Variants in TUSC3 observed in about 807,000 individuals in gnomAD.
TUSC3 encodes the protein tumor suppressor candidate 3.
Under a neutral mutation model 44.8 loss-of-function variants are expected in TUSC3, and 45 were observed. That is an observed-to-expected ratio of 1.00 (90% CI 0.79 to 1.29). TUSC3 has a LOEUF of 1.29. TUSC3 is among the 50% of genes most tolerant of loss of function. The pLI is 0.00. For missense variants in TUSC3, 519 were observed against 437.9 expected (o/e 1.19, Z -1.65); for synonymous variants, 212 against 152.9 (o/e 1.39, Z -2.85).
chr8:15,602,715 C>A (rs561656239), intron 1 of TUSC3, among the ~76,000 whole-genome samples: 1 of 143,494 alleles, frequency 7.0e-6, no homozygotes, highest in African/African-American at 2.6e-5. Flanking sequence ...TGTATGTATA[C>A]GTGTGTATAC....
intron 2 of TUSC3, among the ~76,000 whole-genome samples, chr8:15,483,649 A>AGTTTTTTTTTTTTTTTT (rs1800694345): frequency 1.5e-5 from 1 of 66,166 alleles, no homozygotes; most frequent in African/African-American, 5.5e-5. Context: ...TAGCACTGTG[A>AGTTTTTTTTTTTTTTTT]TTTTTTTTTT....
intron 1 of TUSC3, among the ~76,000 whole-genome samples, chr8:15,454,151 G>C (rs901719427): frequency 6.6e-6 from 1 of 152,100 alleles, no homozygotes; most frequent in African/African-American, 2.4e-5. Context: ...AGGGAGAAGG[G>C]ACACAAGACC....
chr8:15,566,847 G>A (rs895356054), intron 1 of TUSC3, among the ~76,000 whole-genome samples: 3 of 152,092 alleles, frequency 2.0e-5, no homozygotes, highest in African/African-American at 7.2e-5. Flanking sequence ...TTCCCAGGCT[G>A]CTCTTAAATT....
At chr8:15,442,429 A>G (rs1422496102) in intron 1 of TUSC3, among the ~76,000 whole-genome samples, 2 of 152,166 alleles carry the variant, frequency 1.3e-5, no homozygotes, top group Admixed American at 1.3e-4. Flanking sequence ...TTAAATCCCC[A>G]TGAAAGAAAG....
intron 2 of TUSC3, among the ~76,000 whole-genome samples, chr8:15,641,601 A>G (rs533205139): frequency 1.3e-5 from 2 of 152,306 alleles, no homozygotes; most frequent in Admixed American, 6.5e-5. Context: ...AGACTTCGTT[A>G]TGCCTCATGT....
At chr8:15,451,303 T>A (rs1363729271) in intron 1 of TUSC3, among the ~76,000 whole-genome samples, 1 of 152,174 alleles carries the variant, frequency 6.6e-6, no homozygotes, top group African/African-American at 2.4e-5. Context: ...TGTTTCTGTA[T>A]GCTAATGAGG....
intron 9 of TUSC3, among the ~76,000 whole-genome samples, chr8:15,750,362 T>C (rs1811642290): frequency 6.6e-6 from 1 of 152,112 alleles, no homozygotes; most frequent in Non-Finnish European, 1.5e-5. Flanking sequence ...TCAGAGCATG[T>C]AATGATACTA....
At chr8:15,478,180 G>A (rs1161886666) in intron 1 of TUSC3, among the ~76,000 whole-genome samples, 2 of 152,090 alleles carry the variant, frequency 1.3e-5, no homozygotes, top group African/African-American at 2.4e-5. Flanking sequence ...GGGCCAGGCT[G>A]GTCTCAAAGT....
intron 1 of TUSC3, among the ~76,000 whole-genome samples, chr8:15,475,437 C>T (rs902812502): frequency 6.6e-6 from 1 of 152,054 alleles, no homozygotes; most frequent in Non-Finnish European, 1.5e-5. Flanking sequence ...TAATTATTAC[C>T]AGTATTATTC....
chr8:15,782,282 C>T, the TUSC3 span, among the ~76,000 whole-genome samples: 9 of 152,106 alleles, frequency 5.9e-5, no homozygotes, highest in East Asian at 1.9e-4. Flanking sequence ...AGACCAGCCT[C>T]GGTGACATAG....
intron 1 of TUSC3, among the ~76,000 whole-genome samples, chr8:15,440,992 C>G (rs1189982122): frequency 6.6e-6 from 1 of 152,194 alleles, no homozygotes; most frequent in Non-Finnish European, 1.5e-5. Flanking sequence ...GAGGCAAGTA[C>G]TATTTCTGGA....
intron 7 of TUSC3, among the ~76,000 whole-genome samples, chr8:15,742,388 G>C (rs563152812): frequency 1.3e-5 from 2 of 152,268 alleles, no homozygotes; most frequent in East Asian, 3.9e-4. Context: ...TACTAGAGAA[G>C]TCAGGCATTT....
chr8:15,467,031 C>T (rs1434305769), intron 1 of TUSC3, among the ~76,000 whole-genome samples: 1 of 151,974 alleles, frequency 6.6e-6, no homozygotes, highest in East Asian at 1.9e-4. Context: ...GATCTCATTG[C>T]ATATAGCTAA....
intron 1 of TUSC3, among the ~76,000 whole-genome samples, chr8:15,562,391 T>G (rs949637508): frequency 7.2e-5 from 11 of 152,184 alleles, no homozygotes; most frequent in Non-Finnish European, 1.3e-4. Context: ...TAATCCACTT[T>G]AAGCGTTAAG....
At chr8:15,700,138 A>G (rs1199351871) in intron 6 of TUSC3, among the ~76,000 whole-genome samples, 1 of 152,200 alleles carries the variant, frequency 6.6e-6, no homozygotes, top group East Asian at 1.9e-4. Flanking sequence ...CTGAATCCAA[A>G]TACATTTCAA....
At chr8:15,641,248 C>T (rs530792053) in intron 2 of TUSC3, among the ~76,000 whole-genome samples, 92 of 151,814 alleles carry the variant, frequency 6.1e-4, no homozygotes, top group African/African-American at 2.2e-3. Flanking sequence ...GTAGTCCCAC[C>T]TACTCGGGAG....
At chr8:15,667,278 CT>C (rs1034744680) in intron 5 of TUSC3, among the ~76,000 whole-genome samples, 2 of 151,170 alleles carry the variant, frequency 1.3e-5, no homozygotes, top group Admixed American at 6.6e-5. Context: ...CTTACCTTTC[CT>C]TTTTTTTGTA....
intron 1 of TUSC3, among the ~76,000 whole-genome samples, chr8:15,431,430 G>A (rs776204851): frequency 6.6e-5 from 10 of 151,114 alleles, no homozygotes; most frequent in Middle Eastern, 3.4e-3. Flanking sequence ...TTATTCTTTC[G>A]AATGCTCTTT....
chr8:15,618,029 G>A (rs565021032), intron 1 of TUSC3, among the ~76,000 whole-genome samples: 2 of 152,238 alleles, frequency 1.3e-5, no homozygotes, highest in East Asian at 1.9e-4. Flanking sequence ...ATCTAACCAC[G>A]TCTAAATTTA....
Sources: allele counts gnomAD v4.1 joint callset (sites outside exome capture counted in the v4.1 genomes callset), GRCh38; gene constraint gnomAD v4.1.1; transcripts MANE v1.5; gene names NCBI Gene and HGNC (gene_info 2026-07-23, HGNC 2026-07-21).